LIMCH1: variants seen among roughly 807,000 people sequenced by gnomAD.
LIMCH1 encodes the protein LIM and calponin homology domains 1.
In LIMCH1, 113 loss-of-function variants were observed where a neutral mutation model predicts 176.5. The observed-to-expected ratio is 0.64, with a 90% CI of 0.55 to 0.75. LIMCH1 has a LOEUF of 0.75. Among genes scored for constraint, LIMCH1 ranks in the 30% least tolerant of loss-of-function variants. The pLI, the probability that LIMCH1 is intolerant of heterozygous loss-of-function variation, is 0.00. For missense variants in LIMCH1, 1,674 were observed against 1,814.9 expected (o/e 0.92, Z 1.41); for synonymous variants, 619 against 645.9 (o/e 0.96, Z 0.63).
At chr4:41,454,751 C>G (rs1415354824) in intron 1 of LIMCH1, among the ~76,000 whole-genome samples, 1 of 152,090 alleles carries the variant, frequency 6.6e-6, no homozygotes. Context: ...TTCTAGAAAG[C>G]ACTTGTGAAT....
intron 1 of LIMCH1, among the ~76,000 whole-genome samples, chr4:41,413,290 C>T (rs1033766151): frequency 1.1e-4 from 16 of 149,778 alleles, no homozygotes; most frequent in African/African-American, 3.2e-4. Flanking sequence ...ACCTTATGGC[C>T]AAATGGTTTG....
Position 41,572,508 on chromosome 4 carries a change from A to G in LIMCH1, c.-240-26412A>G, listed in dbSNP as rs563086160. 2.6e-5 allele frequency among the ~76,000 whole-genome samples: 4 copies of G among 152,360 alleles called. No homozygotes were observed. In the South Asian group the frequency reaches 8.3e-4, roughly 32 times the overall value. On this transcript the variant is annotated intron_variant, in intron 1 of 31. Coordinates refer to ENST00000503057, the MANE Select transcript of LIMCH1 (RefSeq NM_001330672.2). ...GTGATGTGGAATTTGACAGTGAAGT[A>G]AATAAAAAGAAGGACCTCTGAGATA...
In LIMCH1 at chr4:41,633,656, G is replaced by A; in HGVS notation, c.1938G>A (p.Leu646=). ...GTGGACTGAAAGGCCAGCGAAAGTT[G>A]GATGATTCACGAAAAGATGACATGA... is the stretch of plus-strand genomic sequence containing the variant. ...SGSGLKGQRK[L]DDSRKDDMMA... Residue 646 remains leucine (L), a synonymous_variant, in exon 13 of 32, where the codon TTG becomes TTA. Transcript: ENST00000503057. The A allele has an allele frequency of 1.3e-6, 2 of 1,536,150 alleles. No homozygotes were observed. The highest frequency in any genetic ancestry group is 1.7e-6 in the Non-Finnish European group (2 of 1,146,910).
At position 41,629,732 on chromosome 4, in the gene LIMCH1, G is replaced by A. The variant is rs376420245; in HGVS notation, c.1269G>A (p.Ala423=). The change falls in exon 9 of 32, where the codon GCG becomes GCA. Residue 423 remains alanine (A), a splice_region_variant and synonymous_variant. Transcript: ENST00000503057. The part of the protein sequence containing the change: ...TWERLKVSEK[A]RDGDVQHICA... ...AGAGACTCAAAGTGTCAGAAAAGGC[G>A]AGGTGTGTCATGTTTCCCCCCCAGT... 17 of 1,534,748 alleles carry A rather than the reference G, an allele frequency of 1.1e-5. No homozygotes were observed. Among genetic ancestry groups the A allele is most frequent in the East Asian group, 4.9e-5 (2 of 40,886 alleles).
At chr4:41,487,653 C>CTTTTTTTTTTTTTTT (rs149754932) in intron 1 of LIMCH1, among the ~76,000 whole-genome samples, 4 of 108,142 alleles carry the variant, frequency 3.7e-5, no homozygotes, top group African/African-American at 7.6e-5. Context: ...TTTTTATATT[C>CTTTTTTTTTTTTTTT]TTTTTTTTTT....
At position 41,407,913 on chromosome 4, in the gene LIMCH1, C is replaced by G. The variant is rs1404073867; in HGVS notation, c.96+46977C>G. Among the ~76,000 whole-genome samples the G allele has an allele frequency of 2.6e-5, 4 of 152,078 alleles. No individual in the cohort carries two copies. The East Asian group carries it at 7.7e-4, about 29-fold the overall frequency. On this transcript the variant is annotated intron_variant, in intron 1 of 26. Transcript: ENST00000313860. Reference sequence around the variant, plus strand: ...AGTCACTTAGTGGATCAACTAAGTGCGTATTGCTGGACTTAGTTTTGTAGG... The same window carrying G: ...AGTCACTTAGTGGATCAACTAAGTGGGTATTGCTGGACTTAGTTTTGTAGG...
chr4:41,491,425 C>T (rs546847491), intron 1 of LIMCH1, among the ~76,000 whole-genome samples: 5 of 144,598 alleles, frequency 3.5e-5, no homozygotes, highest in Admixed American at 1.4e-4. Context: ...AGATGAAGGG[C>T]GGCCGGGCAG....
chr4:41,632,310 C>A (rs1250659889), intron 10 of LIMCH1, among the ~76,000 whole-genome samples: 1 of 152,162 alleles, frequency 6.6e-6, no homozygotes, highest in Non-Finnish European at 1.5e-5. Context: ...CCCTTGAAAT[C>A]CAAAGGAAAT....
intron 1 of LIMCH1, among the ~76,000 whole-genome samples, chr4:41,594,517 G>A (rs2088332106): frequency 6.6e-6 from 1 of 152,198 alleles, no homozygotes; most frequent in South Asian, 2.1e-4. Flanking sequence ...AGAATTCACA[G>A]AATGCATTTT....
chr4:41,642,555 C>CTTTAT (rs1209153395), intron 14 of LIMCH1, among the ~76,000 whole-genome samples: 2 of 151,336 alleles, frequency 1.3e-5, no homozygotes, highest in East Asian at 1.9e-4. Flanking sequence ...TTCTTTCATT[C>CTTTAT]TTTATTTTAT....
At chr4:41,622,427 A>G (rs1462557249) in intron 7 of LIMCH1, among the ~76,000 whole-genome samples, 2 of 152,184 alleles carry the variant, frequency 1.3e-5, no homozygotes, top group Non-Finnish European at 2.9e-5. Flanking sequence ...TTTGACACAC[A>G]TCTTTCATTT....
At chr4:41,529,235 T>A (rs1223119771) in intron 3 of LIMCH1, among the ~76,000 whole-genome samples, 1 of 152,246 alleles carries the variant, frequency 6.6e-6, no homozygotes, top group African/African-American at 2.4e-5. Context: ...CCAGGAGCTT[T>A]AGGTTTTGTG....
chr4:41,632,891 T>C, intron 11 of LIMCH1, 24 bp downstream of exon 11: 1 of 1,531,586 alleles, frequency 6.5e-7, no homozygotes, highest in Non-Finnish European at 8.8e-7. Context: ...TTTCCTGCCT[T>C]CCCGGGAGGT....
At position 41,634,577 on chromosome 4, in the gene LIMCH1, T is replaced by G. The variant is rs113028110; in HGVS notation, c.2090+769T>G. On this transcript the variant is annotated intron_variant, in intron 13 of 31. Transcript: ENST00000503057. Reference sequence around the variant, plus strand: ...TTAAAAAATCAATACCCTAGCCATCTTGATCACCTGAATTTAATCTATATT... The same window carrying G: ...TTAAAAAATCAATACCCTAGCCATCGTGATCACCTGAATTTAATCTATATT... Among the ~76,000 whole-genome samples, 950 of 152,340 alleles carry G rather than the reference T, an allele frequency of 6.2e-3. 13 individuals are homozygous for G. Among genetic ancestry groups the G allele is most frequent in the African/African-American group, 0.021 (886 of 41,568 alleles).
At chr4:41,594,317 T>C (rs2088275988) in intron 1 of LIMCH1, among the ~76,000 whole-genome samples, 1 of 152,198 alleles carries the variant, frequency 6.6e-6, no homozygotes, top group South Asian at 2.1e-4. Flanking sequence ...CAAAGATGTA[T>C]GGGTTTGTTA....
At chr4:41,599,705 C>T (rs937127898) in intron 2 of LIMCH1, among the ~76,000 whole-genome samples, 3 of 152,164 alleles carry the variant, frequency 2.0e-5, no homozygotes, top group Non-Finnish European at 4.4e-5. Context: ...AAAACATTTT[C>T]CACTTTAGCC....
intron 1 of LIMCH1, among the ~76,000 whole-genome samples, chr4:41,392,013 C>T (rs1369901866): frequency 6.6e-6 from 1 of 152,072 alleles, no homozygotes; most frequent in Non-Finnish European, 1.5e-5. Flanking sequence ...TTTTAAACTA[C>T]TCCTGAAATT....
chr4:41,490,660 G>T (rs1010291707), intron 1 of LIMCH1, among the ~76,000 whole-genome samples: 7 of 152,192 alleles, frequency 4.6e-5, no homozygotes, highest in African/African-American at 1.7e-4. Flanking sequence ...ACAAAATGGA[G>T]TCTCCTATGT....
intron 1 of LIMCH1, 21 bp from the exon 2 acceptor site, chr4:41,598,899 T>C (rs746626869): frequency 1.4e-6 from 2 of 1,453,522 alleles, no homozygotes; most frequent in Non-Finnish European, 1.9e-6. Flanking sequence ...TATAGACTTA[T>C]ATTTCTTTTT....
Sources: allele counts gnomAD v4.1 joint callset (sites outside exome capture counted in the v4.1 genomes callset), GRCh38; gene constraint gnomAD v4.1.1; transcripts MANE v1.5; gene names NCBI Gene and HGNC (gene_info 2026-07-23, HGNC 2026-07-21).